INPP4B: variants seen among roughly 807,000 people sequenced by gnomAD.
INPP4B encodes the protein inositol polyphosphate-4-phosphatase type II B, also known as inositol polyphosphate 4-phosphatase type II.
INPP4B carries 55 observed loss-of-function variants against 122.5 expected under a neutral mutation model. That is an observed-to-expected ratio of 0.45 (90% CI 0.36 to 0.56). The LOEUF is 0.56. Among genes scored for constraint, INPP4B ranks in the 20% least tolerant of loss-of-function variants. The probability of loss-of-function intolerance (pLI) is 0.00; values close to 1 mark genes in which losing one functional copy is unlikely to be tolerated. For synonymous variants in INPP4B, 403 were observed against 388.7 expected, an observed-to-expected ratio of 1.04 and a Z score of -0.43; for missense variants, 1,000 against 1,097.7, an observed-to-expected ratio of 0.91 and a Z score of 1.26.
intron 2 of INPP4B, among the ~76,000 whole-genome samples, chr4:142,489,399 T>G (rs2149774848): frequency 6.6e-6 from 1 of 152,124 alleles, no homozygotes; most frequent in East Asian, 1.9e-4. Flanking sequence ...TTTTTGTTTG[T>G]TTTTGTTTTT....
intron 1 of INPP4B, among the ~76,000 whole-genome samples, chr4:142,787,198 G>C (rs1775882434): frequency 6.6e-6 from 1 of 152,120 alleles, no homozygotes; most frequent in African/African-American, 2.4e-5. Flanking sequence ...TCTATTTCTA[G>C]GGTTTAAATT....
intron 25 of INPP4B, among the ~76,000 whole-genome samples, chr4:142,053,641 A>C (rs1390223684): frequency 6.6e-6 from 1 of 152,056 alleles, no homozygotes; most frequent in Non-Finnish European, 1.5e-5. Context: ...GGAGTGTTTC[A>C]CTCAATATTA....
intron 17 of INPP4B, among the ~76,000 whole-genome samples, chr4:142,149,808 A>G (rs1296591871): frequency 1.3e-5 from 2 of 152,222 alleles, no homozygotes; most frequent in African/African-American, 2.4e-5. Flanking sequence ...TTTGGCACAA[A>G]GGACATAAGT....
chr4:142,648,659 T>G lies in INPP4B; in HGVS notation c.-191+77180A>C, dbSNP rs898104489. On this transcript the variant is annotated intron_variant, in intron 2 of 25. Transcript: ENST00000262992. ...CTGAGGCTTGAGTAGGTAAACAAAGTGGCCAGGAAGCTCAAACTGGGCTGG... is the reference window on the plus strand; with the variant it reads ...CTGAGGCTTGAGTAGGTAAACAAAGGGGCCAGGAAGCTCAAACTGGGCTGG... 3.9e-5 allele frequency among the ~76,000 whole-genome samples: 6 copies of G among 152,024 alleles called. No individual in the cohort carries two copies. The East Asian group carries it at 9.7e-4, about 25-fold the overall frequency.
In INPP4B at chr4:142,442,136, C is replaced by T. The variant is rs984922841; in HGVS notation, c.-126-10751G>A. Among the ~76,000 whole-genome samples the T allele has an allele frequency of 7.9e-5, 12 of 152,044 alleles. 1 individual carries two copies. In the Middle Eastern group the frequency reaches 0.01, roughly 129 times the overall value. On this transcript the variant is annotated intron_variant, in intron 3 of 25. Transcript: ENST00000262992. Reference sequence around the variant, plus strand: ...CCATAAGAAAAACATGGGCCAGGCACGGTGGCTCACGCCTACCTGTAATCC... The same window carrying T: ...CCATAAGAAAAACATGGGCCAGGCATGGTGGCTCACGCCTACCTGTAATCC...
chr4:142,461,409 T>G (rs1034657111), intron 3 of INPP4B, among the ~76,000 whole-genome samples: 1 of 152,204 alleles, frequency 6.6e-6, no homozygotes, highest in Non-Finnish European at 1.5e-5. Context: ...AAAACCAGTA[T>G]TACTAATGCT....
intron 3 of INPP4B, among the ~76,000 whole-genome samples, chr4:142,432,414 G>T (rs1356630833): frequency 1.3e-5 from 2 of 151,908 alleles, no homozygotes; most frequent in Non-Finnish European, 2.9e-5. Context: ...AACGCTTCTT[G>T]AATTTTTAGA....
At chr4:142,326,076 C>G (rs1269193675) in intron 7 of INPP4B, among the ~76,000 whole-genome samples, 1 of 152,170 alleles carries the variant, frequency 6.6e-6, no homozygotes, top group Non-Finnish European at 1.5e-5. Context: ...CTCCTTATAG[C>G]TTTTCTAAAA....
chr4:142,382,363 G>T (rs1420337154), intron 7 of INPP4B, among the ~76,000 whole-genome samples: 1 of 151,584 alleles, frequency 6.6e-6, no homozygotes, highest in Non-Finnish European at 1.5e-5. Context: ...ACAACAACTA[G>T]CTGGGCATGG....
intron 25 of INPP4B, among the ~76,000 whole-genome samples, chr4:142,043,255 A>G (rs1211657756): frequency 6.6e-6 from 1 of 152,220 alleles, no homozygotes; most frequent in Non-Finnish European, 1.5e-5. Context: ...ATCATAGGAA[A>G]GAGAATAAGA....
At chr4:142,243,627 A>G (rs1860619701) in intron 11 of INPP4B, among the ~76,000 whole-genome samples, 3 of 152,220 alleles carry the variant, frequency 2.0e-5, no homozygotes, top group Non-Finnish European at 4.4e-5. Context: ...TATAAAATGA[A>G]TATCATCTGA....
intron 2 of INPP4B, among the ~76,000 whole-genome samples, chr4:142,526,160 G>A (rs920621296): frequency 2.0e-5 from 3 of 152,004 alleles, no homozygotes; most frequent in Admixed American, 1.3e-4. Context: ...CAATACATGT[G>A]TATCTAGTGA....
chr4:142,785,937 C>T (rs1343069280), intron 1 of INPP4B, among the ~76,000 whole-genome samples: 1 of 151,992 alleles, frequency 6.6e-6, no homozygotes, highest in Non-Finnish European at 1.5e-5. Flanking sequence ...GGAGGGGACA[C>T]CTTGCATTTA....
At chr4:142,193,369 T>C (rs925735361) in intron 14 of INPP4B, among the ~76,000 whole-genome samples, 174 bp from the exon 15 acceptor site, 2 of 152,184 alleles carry the variant, frequency 1.3e-5, no homozygotes, top group African/African-American at 4.8e-5. Flanking sequence ...AATCAATCTT[T>C]CTAAAAGCCA....
rs778372623 is a variant in INPP4B at position 142,160,361 on chromosome 4, C to T, written c.1560G>A (p.Glu520=). The T allele has an allele frequency of 3.3e-6, 5 of 1,513,252 alleles. No homozygotes were observed. In the South Asian group the frequency reaches 5.2e-5, roughly 16 times the overall value. The allele number at this position is 1,513,252 out of a possible 1,614,324, so 93.7% of individuals were successfully genotyped here. A position where few individuals can be genotyped will look rare whatever the true frequency, so the allele number is the denominator to read the frequency against. ...IPHHSDYDEE[E]WDRVWANVGK... ...AAGCGATATACAAGAGACTTACCCA[C>T]TCTTCCTCATCATAGTCTGAATGAT... The change falls in exon 17 of 26, where the codon GAG becomes GAA. Residue 520 remains glutamate (E), a synonymous_variant. Coordinates refer to ENST00000262992, the MANE Select transcript of INPP4B (RefSeq NM_001101669.3).
rs1302157867 is a variant in INPP4B, at chr4:142,208,525, G to T, written c.972C>A (p.Ser324=). Residue 324 remains serine, a synonymous_variant, in exon 14 of 26, where the codon TCC becomes TCA. Transcript: ENST00000262992. The stretch of plus-strand genomic sequence containing the variant: ...CTTTGCTGCTGCTTGATTTGAAAGA[G>T]GACCCTGATGGAAACCAGAAATTAA... ...ILTELSKETG[S]SFKSSSSKGE... is the part of the protein sequence containing the mutation. 1 of 1,539,272 alleles carries T rather than the reference G, an allele frequency of 6.5e-7. No individual in the cohort carries two copies. The highest frequency in any genetic ancestry group is 2.3e-5 in the East Asian group (1 of 42,802).
At chr4:142,127,221 A>G (rs1284301458) in intron 18 of INPP4B, among the ~76,000 whole-genome samples, 3 of 152,186 alleles carry the variant, frequency 2.0e-5, no homozygotes, top group African/African-American at 4.8e-5. Flanking sequence ...ACTATACTGA[A>G]TCAACTGGTC....
intron 25 of INPP4B, among the ~76,000 whole-genome samples, chr4:142,056,467 C>A (rs1176046308): frequency 6.6e-6 from 1 of 152,002 alleles, no homozygotes; most frequent in African/African-American, 2.4e-5. Flanking sequence ...GGGAATTAGG[C>A]ACATTGGTTT....
At chr4:142,429,772 A>T (rs144192816) in intron 4 of INPP4B, among the ~76,000 whole-genome samples, 1,758 of 152,212 alleles carry the variant, frequency 0.012, 14 homozygotes, top group Non-Finnish European at 0.018. Context: ...AAAATATAAC[A>T]AGATGGCTAA....
Sources: gnomAD v4.1 joint callset for allele counts (sites outside exome capture counted in the v4.1 genomes callset) on GRCh38, gnomAD v4.1.1 for gene constraint, MANE v1.5 for transcripts, NCBI Gene and HGNC (gene_info 2026-07-23, HGNC 2026-07-21) for gene names.